Variants in LRRC8B observed in about 807,000 individuals in gnomAD.
LRRC8B encodes the protein volume-regulated anion channel subunit LRRC8B.
Under a neutral mutation model 58.8 loss-of-function variants are expected in LRRC8B, and 23 were observed. That is an observed-to-expected ratio of 0.39 (90% CI 0.28 to 0.55). LRRC8B has a LOEUF of 0.55. Ranked by LOEUF, LRRC8B falls within the 20% of genes least tolerant of loss-of-function variation. LRRC8B has a pLI of 0.62. For synonymous variants in LRRC8B, 359 were observed against 374.1 expected, an observed-to-expected ratio of 0.96 and a Z score of 0.47; for missense variants, 694 against 936.0, an observed-to-expected ratio of 0.74 and a Z score of 3.37.
intron 3 of LRRC8B, among the ~76,000 whole-genome samples, chr1:89,575,276 C>T (rs1313822088): frequency 2.0e-5 from 3 of 152,170 alleles, no homozygotes; most frequent in African/African-American, 7.2e-5. Context: ...GTGGATGTGT[C>T]ACTGTGTAGC....
intron 1 of LRRC8B, among the ~76,000 whole-genome samples, chr1:89,537,504 G>A (rs765953266): frequency 6.6e-6 from 1 of 152,116 alleles, no homozygotes. Context: ...ACAGCGTTTT[G>A]CTCTGTTGCC....
chr1:89,531,793 A>G (rs1650154185), intron 1 of LRRC8B, among the ~76,000 whole-genome samples: 2 of 152,136 alleles, frequency 1.3e-5, no homozygotes, highest in Non-Finnish European at 2.9e-5. Context: ...TCAAAGAAGT[A>G]TATTTTGGGG....
chr1:89,540,414 T>G (rs1269478498), intron 1 of LRRC8B, among the ~76,000 whole-genome samples: 2 of 152,218 alleles, frequency 1.3e-5, no homozygotes, highest in African/African-American at 4.8e-5. Context: ...TTGCCAATTT[T>G]GTTATCTGTT....
intron 1 of LRRC8B, among the ~76,000 whole-genome samples, chr1:89,551,122 T>C (rs1484010762): frequency 6.6e-6 from 1 of 152,106 alleles, no homozygotes; most frequent in Non-Finnish European, 1.5e-5. Context: ...CCCTCTGCTC[T>C]TTCCCTCCCC....
At chr1:89,541,982 G>T (rs1651033212) in intron 1 of LRRC8B, among the ~76,000 whole-genome samples, 1 of 151,986 alleles carries the variant, frequency 6.6e-6, no homozygotes, top group Non-Finnish European at 1.5e-5. Context: ...TTATTTAAAT[G>T]ACTAATTCAC....
At chr1:89,590,648 T>C (rs1654916334) in intron 5 of LRRC8B, among the ~76,000 whole-genome samples, 2 of 152,218 alleles carry the variant, frequency 1.3e-5, no homozygotes, top group Non-Finnish European at 1.5e-5. Flanking sequence ...GTAGTGCTGA[T>C]AGCCAGACAA....
chr1:89,579,934 A>G (rs1654102991), intron 4 of LRRC8B, among the ~76,000 whole-genome samples: 1 of 152,204 alleles, frequency 6.6e-6, no homozygotes, highest in Non-Finnish European at 1.5e-5. Context: ...TATCCATTAC[A>G]AGAAATTCCT....
intron 1 of LRRC8B, among the ~76,000 whole-genome samples, chr1:89,568,033 C>A (rs1331265117): frequency 6.6e-6 from 1 of 151,994 alleles, no homozygotes; most frequent in Non-Finnish European, 1.5e-5. Context: ...GAAAACTGTC[C>A]CAAATGTTAA....
At chr1:89,548,651 C>A (rs1303998319) in intron 1 of LRRC8B, among the ~76,000 whole-genome samples, 3 of 152,056 alleles carry the variant, frequency 2.0e-5, no homozygotes, top group African/African-American at 7.2e-5. Context: ...TTTGTTTCAC[C>A]CTGGGCTGAA....
At chr1:89,559,629 TACACACACAC>T (rs71084951) in intron 1 of LRRC8B, among the ~76,000 whole-genome samples, 23 of 137,516 alleles carry the variant, frequency 1.7e-4, no homozygotes, top group Non-Finnish European at 3.3e-4. Context: ...TATATATATA[TACACACACAC>T]ACACACACAC....
intron 1 of LRRC8B, among the ~76,000 whole-genome samples, chr1:89,537,764 C>T (rs1211913645): frequency 1.3e-5 from 2 of 152,152 alleles, no homozygotes; most frequent in Non-Finnish European, 2.9e-5. Flanking sequence ...TGAGCCACCA[C>T]GCCTATCCAG....
At chr1:89,525,153 T>A (rs1649562873) in intron 1 of LRRC8B, 131 bp downstream of exon 1, 1 of 152,304 alleles carries the variant, frequency 6.6e-6, no homozygotes. Context: ...TGTTCACGCC[T>A]CACCTGCGAG....
intron 1 of LRRC8B, among the ~76,000 whole-genome samples, chr1:89,527,184 T>C (rs1039618089): frequency 2.0e-5 from 3 of 152,264 alleles, no homozygotes; most frequent in Non-Finnish European, 4.4e-5. Flanking sequence ...ACAAGGGTTT[T>C]TGTTTTTGTA....
chr1:89,591,944 A>C (rs1655005758), intron 5 of LRRC8B, among the ~76,000 whole-genome samples: 1 of 152,188 alleles, frequency 6.6e-6, no homozygotes, highest in Admixed American at 6.5e-5. Context: ...CTTATCCCTC[A>C]GTGAAGTGAT....
chr1:89,527,718 C>T (rs1557587685), intron 1 of LRRC8B, among the ~76,000 whole-genome samples: 2 of 152,176 alleles, frequency 1.3e-5, no homozygotes, highest in African/African-American at 2.4e-5. Flanking sequence ...TAAAATAATG[C>T]CTTTGGCAGA....
intron 1 of LRRC8B, among the ~76,000 whole-genome samples, chr1:89,555,598 G>A (rs902077883): frequency 6.6e-6 from 1 of 152,208 alleles, no homozygotes; most frequent in African/African-American, 2.4e-5. Context: ...ATAGGTTTGT[G>A]ATAAATGTTA....
chr1:89,563,523 C>A (rs1652835038), intron 1 of LRRC8B, among the ~76,000 whole-genome samples: 1 of 152,176 alleles, frequency 6.6e-6, no homozygotes, highest in Non-Finnish European at 1.5e-5. Context: ...CTTTTCACGA[C>A]ACTTTCTAGT....
In LRRC8B at chr1:89,591,236, T is replaced by C. The variant is rs151220223; in HGVS notation, c.2140-1535T>C. On this transcript the variant is annotated intron_variant, in intron 5 of 5. Coordinates refer to ENST00000330947, the MANE Select transcript of LRRC8B (RefSeq NM_001369817.2). Reference sequence around the variant, plus strand: ...TAGCCAGTTTGCCTGAGTCATTTCATAGGCACCAACAAGCACTCTTAATAA... The same window carrying C: ...TAGCCAGTTTGCCTGAGTCATTTCACAGGCACCAACAAGCACTCTTAATAA... Among the ~76,000 whole-genome samples, 8 of 152,350 alleles carry C rather than the reference T, an allele frequency of 5.3e-5. No individual in the cohort carries two copies. The East Asian group carries it at 1.5e-3, about 29-fold the overall frequency.
rs984868819 is a variant in LRRC8B at position 89,594,892 on chromosome 1, A to G, written c.*1849A>G. ...AAACTGGAAAACACTATAGGTAAAC[A>G]GTACTGTGTATATGGAATTGTGGTG... is the stretch of plus-strand genomic sequence containing the variant. On this transcript the variant is annotated 3_prime_UTR_variant, in exon 6 of 6. Coordinates refer to ENST00000330947, the MANE Select transcript of LRRC8B (RefSeq NM_001369817.2). 1.3e-5 allele frequency: 2 copies of G among 152,196 alleles called. No individual in the cohort carries two copies. Among genetic ancestry groups the G allele is most frequent in the Non-Finnish European group, 2.9e-5 (2 of 68,014 alleles). 9.4% of individuals were successfully genotyped at this position (152,196 alleles called of 1,614,324 possible). A position where few individuals can be genotyped will look rare whatever the true frequency, so the allele number is the denominator to read the frequency against.
Sources: gnomAD v4.1 joint callset for allele counts (sites outside exome capture counted in the v4.1 genomes callset) on GRCh38, gnomAD v4.1.1 for gene constraint, MANE v1.5 for transcripts, NCBI Gene and HGNC (gene_info 2026-07-23, HGNC 2026-07-21) for gene names.